FRS2: variants seen among roughly 807,000 people sequenced by gnomAD.
FRS2 encodes the protein FGFR signalling adaptor.
Under a neutral mutation model 43.9 loss-of-function variants are expected in FRS2, and 8 were observed. The ratio of observed to expected loss-of-function variants is 0.18; its 90% CI spans 0.11 to 0.33. The LOEUF is 0.33. FRS2 is among the 10% of genes least tolerant of loss of function. The pLI is 1.00. For missense variants in FRS2, 534 were observed against 627.6 expected (o/e 0.85, Z 1.59); for synonymous variants, 219 against 220.3 (o/e 0.99, Z 0.05).
chr12:69,524,779 C>T (rs1218438181), intron 1 of FRS2, among the ~76,000 whole-genome samples: 2 of 152,166 alleles, frequency 1.3e-5, no homozygotes, highest in African/African-American at 4.8e-5. Flanking sequence ...CTGCTACTAC[C>T]ACTTCTCTAA....
chr12:69,472,042 G>T (rs1870346292), intron 1 of FRS2, among the ~76,000 whole-genome samples: 1 of 152,162 alleles, frequency 6.6e-6, no homozygotes, highest in Non-Finnish European at 1.5e-5. Context: ...GGAAAAAATT[G>T]TGGAGAGATT....
chr12:69,543,193 T>C (rs1400750125), intron 3 of FRS2, among the ~76,000 whole-genome samples: 1 of 152,240 alleles, frequency 6.6e-6, no homozygotes, highest in Non-Finnish European at 1.5e-5. Flanking sequence ...GTGATAATTT[T>C]GAGCCCCATT....
chr12:69,492,338 A>G (rs1872556277), intron 1 of FRS2, among the ~76,000 whole-genome samples: 2 of 152,232 alleles, frequency 1.3e-5, no homozygotes, highest in Admixed American at 6.5e-5. Context: ...TAACAGGGAA[A>G]TGGGAAAATA....
At chr12:69,525,008 C>T (rs915044464) in intron 1 of FRS2, among the ~76,000 whole-genome samples, 2 of 152,042 alleles carry the variant, frequency 1.3e-5, no homozygotes, top group African/African-American at 2.4e-5. Context: ...TCTTTCTTCC[C>T]TCTGATCTTA....
rs777566936 is a variant in FRS2, at chr12:69,574,843, C to T, written c.1415C>T (p.Ala472Val). ...CCTACCAGGCGCACAGAGCTGTATGCCGTGATAGACATCGAGAGAACTGCT... is the reference window on the plus strand; with the variant it reads ...CCTACCAGGCGCACAGAGCTGTATGTCGTGATAGACATCGAGAGAACTGCT... ...QTPTRRTELY[A>V]VIDIERTAAM... The change falls in exon 9 of 9, where the codon GCC becomes GTC. Residue 472 changes from alanine to valine, a missense_variant. By Grantham distance (64) the Ala-to-Val change is moderately conservative (BLOSUM62 0). Transcript: ENST00000549921. 3 of 1,613,750 alleles carry T rather than the reference C, an allele frequency of 1.9e-6. No individual in the cohort carries two copies. The highest frequency in any genetic ancestry group is 2.2e-5 in the South Asian group (2 of 91,084).
intron 3 of FRS2, among the ~76,000 whole-genome samples, chr12:69,543,934 A>T (rs1402586761): frequency 6.6e-6 from 1 of 152,020 alleles, no homozygotes; most frequent in East Asian, 1.9e-4. Flanking sequence ...AAAAATCCTT[A>T]ATTTTTATTC....
Position 69,570,270 on chromosome 12 carries a change from A to G in FRS2, c.67-61A>G, listed in dbSNP as rs1043923524. 4.1e-6 allele frequency: 5 copies of G among 1,208,974 alleles called. No homozygotes were observed. The African/African-American group carries it at 4.5e-5, about 11-fold the overall frequency. The allele number at this position is 1,208,974 out of a possible 1,614,324, so 74.9% of individuals were successfully genotyped here. The stretch of plus-strand genomic sequence containing the variant: ...ACAAATTACAAATAACTAATTAGCA[A>G]CAATGCATTTTCCTGACGAATTGGT... On this transcript the variant is annotated intron_variant, in intron 5 of 8. Coordinates refer to ENST00000549921, the MANE Select transcript of FRS2 (RefSeq NM_001278356.2).
At chr12:69,524,997 A>G (rs1797154102) in intron 1 of FRS2, among the ~76,000 whole-genome samples, 1 of 151,948 alleles carries the variant, frequency 6.6e-6, no homozygotes, top group African/African-American at 2.4e-5. Flanking sequence ...TATGCCCTGT[A>G]TCTTTCTTCC....
intron 3 of FRS2, among the ~76,000 whole-genome samples, chr12:69,542,046 T>C (rs1877958637): frequency 6.6e-6 from 1 of 152,168 alleles, no homozygotes; most frequent in Non-Finnish European, 1.5e-5. Flanking sequence ...TTATTATCTT[T>C]TTATTATTAA....
chr12:69,556,011 G>GT (rs529598191), intron 3 of FRS2, among the ~76,000 whole-genome samples: 16 of 57,114 alleles, frequency 2.8e-4, no homozygotes, highest in African/African-American at 1.9e-3. Context: ...TGTGTGGCGG[G>GT]GGGGGGGGCG....
chr12:69,569,202 T>C (rs1880546953), intron 5 of FRS2, 106 bp downstream of exon 5: 4 of 589,462 alleles, frequency 6.8e-6, no homozygotes, highest in Non-Finnish European at 3.0e-6. Context: ...AACCTTTCTA[T>C]TTCCCTTTCT....
At chr12:69,538,913 A>G (rs1299414576) in intron 3 of FRS2, among the ~76,000 whole-genome samples, 1 of 152,202 alleles carries the variant, frequency 6.6e-6, no homozygotes, top group African/African-American at 2.4e-5. Flanking sequence ...CCACAAAATA[A>G]CATAACATTT....
At chr12:69,496,617 C>T (rs777215235) in intron 1 of FRS2, among the ~76,000 whole-genome samples, 3 of 152,148 alleles carry the variant, frequency 2.0e-5, no homozygotes, top group Non-Finnish European at 4.4e-5. Context: ...ATAAACCAAA[C>T]GCTTTCACTT....
At chr12:69,476,400 G>A (rs1870776272) in intron 1 of FRS2, among the ~76,000 whole-genome samples, 1 of 152,188 alleles carries the variant, frequency 6.6e-6, no homozygotes, top group Admixed American at 6.5e-5. Flanking sequence ...GCTGCTTTAA[G>A]TTATTACTCT....
At chr12:69,570,197 G>T in intron 5 of FRS2, 134 bp from the exon 6 acceptor site, 1 of 663,554 alleles carries the variant, frequency 1.5e-6, no homozygotes, top group East Asian at 2.7e-5. Context: ...GGTGTTACAC[G>T]GCTACGTAGT....
chr12:69,527,760 C>A (rs1298853214), intron 1 of FRS2, among the ~76,000 whole-genome samples: 1 of 152,156 alleles, frequency 6.6e-6, no homozygotes, highest in Admixed American at 6.5e-5. Context: ...TACTAGCTTT[C>A]TTTCAAGTGG....
At chr12:69,470,802 G>A (rs1469952652) in intron 1 of FRS2, among the ~76,000 whole-genome samples, 2 of 151,716 alleles carry the variant, frequency 1.3e-5, no homozygotes, top group Non-Finnish European at 2.9e-5. Flanking sequence ...CTGGGCCTCT[G>A]TTCGTCCGTC....
At chr12:69,555,619 C>T (rs1879270788) in intron 3 of FRS2, among the ~76,000 whole-genome samples, 2 of 152,034 alleles carry the variant, frequency 1.3e-5, no homozygotes, top group East Asian at 1.9e-4. Context: ...TTGTGGGATG[C>T]GAAATTTCCA....
chr12:69,487,471 A>C (rs1245170233), intron 1 of FRS2, among the ~76,000 whole-genome samples: 2 of 152,204 alleles, frequency 1.3e-5, no homozygotes, highest in Non-Finnish European at 2.9e-5. Context: ...GGTTTATTGA[A>C]TATTTTAAGC....
Sources: gnomAD v4.1 joint callset for allele counts (sites outside exome capture counted in the v4.1 genomes callset) on GRCh38, gnomAD v4.1.1 for gene constraint, MANE v1.5 for transcripts, NCBI Gene and HGNC (gene_info 2026-07-23, HGNC 2026-07-21) for gene names.